Variants in CNTN4 observed in about 807,000 individuals in gnomAD.
CNTN4 encodes contactin-4.
CNTN4 carries 77 observed loss-of-function variants against 122.5 expected under a neutral mutation model. The ratio of observed to expected loss-of-function variants is 0.63; its 90% CI spans 0.52 to 0.76. The LOEUF (loss-of-function observed/expected upper bound fraction) is 0.76. CNTN4 is among the 30% of genes least tolerant of loss of function. The pLI, the probability that CNTN4 is intolerant of heterozygous loss-of-function variation, is 0.00. For missense variants in CNTN4, 1,256 were observed against 1,259.1 expected (o/e 1.00, Z 0.04); for synonymous variants, 512 against 447.0 (o/e 1.15, Z -1.83).
At chr3:3,037,884 A>C (rs1699759257) in intron 18 of CNTN4, among the ~76,000 whole-genome samples, 2 of 152,226 alleles carry the variant, frequency 1.3e-5, no homozygotes, top group African/African-American at 4.8e-5. Context: ...CCCTCTGCAT[A>C]TGCAGCTTGA....
chr3:2,601,559 G>A (rs975456161), intron 4 of CNTN4, among the ~76,000 whole-genome samples: 22 of 152,130 alleles, frequency 1.4e-4, no homozygotes, highest in African/African-American at 5.3e-4. Context: ...TGTTCCATTG[G>A]TCTATATCTC....
At chr3:2,837,293 A>G (rs1178804656) in intron 7 of CNTN4, among the ~76,000 whole-genome samples, 1 of 152,176 alleles carries the variant, frequency 6.6e-6, no homozygotes, top group African/African-American at 2.4e-5. Flanking sequence ...GTCTCCTGCA[A>G]ACCACGTAGT....
intron 6 of CNTN4, among the ~76,000 whole-genome samples, chr3:2,784,578 T>C (rs114374090): frequency 2.0e-5 from 3 of 152,296 alleles, no homozygotes; most frequent in Non-Finnish European, 2.9e-5. Context: ...AGAAAGATCA[T>C]GTGATGAATG....
chr3:2,840,483 G>C lies in CNTN4; in HGVS notation c.454+20902G>C, dbSNP rs374641229. Among the ~76,000 whole-genome samples, 22 of 144,516 alleles carry C rather than the reference G, an allele frequency of 1.5e-4. No homozygotes were observed. In the South Asian group the frequency reaches 1.9e-3, roughly 12 times the overall value. 94.8% of individuals were successfully genotyped at this position (144,516 alleles called of 152,430 possible). A position where few individuals can be genotyped will look rare whatever the true frequency, so the allele number is the denominator to read the frequency against. ...TGGGAGGCCGAGGCGGGCGGATCAC[G>C]AGGTCAGGAGATCGAGACCATCCTG... On this transcript the variant is annotated intron_variant, in intron 7 of 24. Coordinates refer to ENST00000418658, the MANE Select transcript of CNTN4 (RefSeq NM_175607.3).
At chr3:2,332,906 A>G (rs1295261373) in intron 2 of CNTN4, among the ~76,000 whole-genome samples, 1 of 151,942 alleles carries the variant, frequency 6.6e-6, no homozygotes, top group Admixed American at 6.6e-5. Context: ...AAAAAATAAG[A>G]CTTTTTCCTA....
At chr3:2,651,850 C>T (rs2083376743) in intron 4 of CNTN4, among the ~76,000 whole-genome samples, 1 of 151,680 alleles carries the variant, frequency 6.6e-6, no homozygotes, top group African/African-American at 2.4e-5. Flanking sequence ...ATTACAGGCA[C>T]CTGCCACCAC....
At chr3:2,810,639 C>T (rs1009559697) in intron 6 of CNTN4, among the ~76,000 whole-genome samples, 25 of 152,132 alleles carry the variant, frequency 1.6e-4, no homozygotes, top group Non-Finnish European at 2.8e-4. Flanking sequence ...ATTAAATTTT[C>T]CTTTGATTCT....
chr3:2,269,182 A>T (rs973547100), intron 2 of CNTN4, among the ~76,000 whole-genome samples: 5 of 152,144 alleles, frequency 3.3e-5, no homozygotes, highest in African/African-American at 9.7e-5. Context: ...AATAAACTGT[A>T]CCTTAAAAGA....
chr3:2,488,216 G>C (rs1009916011), intron 3 of CNTN4, among the ~76,000 whole-genome samples: 5 of 152,192 alleles, frequency 3.3e-5, no homozygotes, highest in African/African-American at 1.2e-4. Flanking sequence ...CAAAGTTCAT[G>C]TTTGCTAGGA....
chr3:2,458,633 T>G (rs1406069881), intron 3 of CNTN4, among the ~76,000 whole-genome samples: 1 of 152,090 alleles, frequency 6.6e-6, no homozygotes, highest in Non-Finnish European at 1.5e-5. Context: ...CGATTTTTTT[T>G]TCCCCACGAA....
chr3:2,460,473 C>G (rs1212673289), intron 3 of CNTN4, among the ~76,000 whole-genome samples: 2 of 152,162 alleles, frequency 1.3e-5, no homozygotes, highest in Non-Finnish European at 2.9e-5. Flanking sequence ...TTTGCCATGA[C>G]TGCTACCTCC....
chr3:2,459,749 G>T lies in CNTN4; in HGVS notation c.-88-111667G>T, dbSNP rs1313405380. 2.6e-5 allele frequency among the ~76,000 whole-genome samples: 4 copies of T among 152,046 alleles called. No individual in the cohort carries two copies. In the East Asian group the frequency reaches 7.7e-4, roughly 29 times the overall value. On this transcript the variant is annotated intron_variant, in intron 3 of 24. Coordinates refer to ENST00000418658, the MANE Select transcript of CNTN4 (RefSeq NM_175607.3). Reference sequence around the variant, plus strand: ...TATGGCTGCAACAAAAGGCTAACCTGGTTCCTGTCCTTTCTAGCTAAATAA... The same window carrying T: ...TATGGCTGCAACAAAAGGCTAACCTTGTTCCTGTCCTTTCTAGCTAAATAA...
intron 3 of CNTN4, among the ~76,000 whole-genome samples, chr3:2,412,458 G>C (rs1212753996): frequency 6.6e-6 from 1 of 151,894 alleles, no homozygotes; most frequent in Admixed American, 6.6e-5. Flanking sequence ...TCACTATGTC[G>C]GTCAGGCTGG....
At chr3:2,349,542 C>T (rs2044529144) in intron 3 of CNTN4, among the ~76,000 whole-genome samples, 1 of 152,124 alleles carries the variant, frequency 6.6e-6, no homozygotes, top group Non-Finnish European at 1.5e-5. Context: ...CAAAGATGTA[C>T]TAACAGATAT....
At chr3:2,635,790 T>C (rs927928583) in intron 4 of CNTN4, among the ~76,000 whole-genome samples, 1 of 152,184 alleles carries the variant, frequency 6.6e-6, no homozygotes, top group African/African-American at 2.4e-5. Context: ...GTCTTAAAAC[T>C]TGAGAAAGTT....
At chr3:2,108,886 A>G (rs1360548086) in intron 2 of CNTN4, among the ~76,000 whole-genome samples, 3 of 152,128 alleles carry the variant, frequency 2.0e-5, no homozygotes, top group Non-Finnish European at 1.5e-5. Context: ...TTTGTTATGG[A>G]TTGTTGTTAT....
At position 3,008,375 on chromosome 3, in the gene CNTN4, C is replaced by G. The variant is rs567367817; in HGVS notation, c.1487-17727C>G. Among the ~76,000 whole-genome samples, 6 of 152,222 alleles carry G rather than the reference C, an allele frequency of 3.9e-5. No individual in the cohort carries two copies. In the South Asian group the frequency reaches 8.3e-4, roughly 21 times the overall value. On this transcript the variant is annotated intron_variant, in intron 14 of 24. Coordinates refer to ENST00000418658, the MANE Select transcript of CNTN4 (RefSeq NM_175607.3). Reference sequence around the variant, plus strand: ...CCTGGCATGGATCCGCCAAAGAAAACAAACAAATCAGAGTTGGATTTTTTA... The same window carrying G: ...CCTGGCATGGATCCGCCAAAGAAAAGAAACAAATCAGAGTTGGATTTTTTA...
intron 2 of CNTN4, among the ~76,000 whole-genome samples, chr3:2,157,162 G>A (rs2035757469): frequency 6.6e-6 from 1 of 152,156 alleles, no homozygotes; most frequent in Admixed American, 6.5e-5. Flanking sequence ...AATGGAAGAA[G>A]ATATTTAAAA....
At chr3:2,399,767 C>T (rs7620157) in intron 3 of CNTN4, among the ~76,000 whole-genome samples, 430 of 152,034 alleles carry the variant, frequency 2.8e-3, no homozygotes, top group African/African-American at 0.01. Context: ...TGGATTTGGT[C>T]TGTTATATGG....
Sources: gnomAD v4.1 joint callset for allele counts (sites outside exome capture counted in the v4.1 genomes callset) on GRCh38, gnomAD v4.1.1 for gene constraint, MANE v1.5 for transcripts, NCBI Gene and HGNC (gene_info 2026-07-23, HGNC 2026-07-21) for gene names.